SLC22A24: variants seen among roughly 807,000 people sequenced by gnomAD.
SLC22A24 encodes the protein steroid transmembrane transporter SLC22A24.
A neutral mutation model predicts 49.8 loss-of-function variants in SLC22A24; 53 were observed. The observed-to-expected ratio is 1.06, with a 90% CI of 0.85 to 1.34. The LOEUF is 1.34. SLC22A24 is among the 40% of genes most tolerant of loss of function. The probability of loss-of-function intolerance (pLI) is 0.00; values close to 1 mark genes in which losing one functional copy is unlikely to be tolerated. For synonymous variants in SLC22A24, 302 were observed against 256.4 expected (o/e 1.18, Z -1.70); for missense variants, 786 against 675.9 (o/e 1.16, Z -1.81).
chr11:63,126,382 G>A (rs1272327314), intron 2 of SLC22A24, among the ~76,000 whole-genome samples: 2 of 152,176 alleles, frequency 1.3e-5, no homozygotes, highest in African/African-American at 2.4e-5. Context: ...CATATGGCTA[G>A]CCTATTTTCC....
At chr11:63,131,751 C>T (rs7930804) in intron 2 of SLC22A24, among the ~76,000 whole-genome samples, 120,649 of 151,528 alleles carry the variant, frequency 0.8, 49,075 homozygotes, top group East Asian at 0.9. Flanking sequence ...CTGACAATTA[C>T]ATGTCTTGGG....
intron 2 of SLC22A24, among the ~76,000 whole-genome samples, chr11:63,128,542 A>T (rs897160877): frequency 1.3e-5 from 2 of 152,142 alleles, no homozygotes; most frequent in African/African-American, 4.8e-5. Flanking sequence ...TTCAGCGGTC[A>T]TGCTCCTGGT....
At chr11:63,099,854 AG>A (rs1199535015) in intron 5 of SLC22A24, among the ~76,000 whole-genome samples, 3 of 152,174 alleles carry the variant, frequency 2.0e-5, no homozygotes, top group Non-Finnish European at 4.4e-5. Flanking sequence ...ATGCTGAAAA[AG>A]CATTTGATAA....
In SLC22A24 at chr11:63,106,172, AC is replaced by A. The variant is rs2082077809; in HGVS notation, c.831-1875del. Among the ~76,000 whole-genome samples the A allele has an allele frequency of 2.0e-5, 3 of 148,298 alleles. No homozygotes were observed. In the South Asian group the frequency reaches 6.4e-4, roughly 31 times the overall value. On this transcript the variant is annotated intron_variant, in intron 4 of 9. Coordinates refer to ENST00000612278, the MANE Select transcript of SLC22A24 (RefSeq NM_001136506.2). ...GTTCAATTCCCACCTATGAGTGAGA[AC>A]ATGCGGTGTTTGGTTTTTTTGTCCT...
At chr11:63,098,137 G>A (rs1342738107) in intron 5 of SLC22A24, among the ~76,000 whole-genome samples, 2 of 152,060 alleles carry the variant, frequency 1.3e-5, no homozygotes, top group Non-Finnish European at 2.9e-5. Context: ...TCTTACCACA[G>A]TGGAATAAAA....
At chr11:63,080,371 A>G (rs1353298259) in intron 9 of SLC22A24, among the ~76,000 whole-genome samples, 2 of 152,178 alleles carry the variant, frequency 1.3e-5, no homozygotes, top group African/African-American at 4.8e-5. Flanking sequence ...ATGGCAACAA[A>G]TTTGCCTAAA....
intron 4 of SLC22A24, among the ~76,000 whole-genome samples, chr11:63,108,043 C>T (rs1468305745): frequency 6.6e-6 from 1 of 151,980 alleles, no homozygotes; most frequent in Admixed American, 6.6e-5. Context: ...CAGTTTTTGC[C>T]CATTCAGTAT....
intron 2 of SLC22A24, 46 bp downstream of exon 2, chr11:63,134,612 GAATGAAT>G: frequency 1.9e-6 from 2 of 1,026,038 alleles, no homozygotes; most frequent in African/African-American, 3.2e-5. Context: ...TAAAATAAAG[GAATGAAT>G]ATATCATCTG....
chr11:63,097,163 T>C (rs2212994), intron 5 of SLC22A24, among the ~76,000 whole-genome samples: 115,481 of 151,742 alleles, frequency 0.76, 44,696 homozygotes, highest in East Asian at 0.9. Flanking sequence ...ACTTTTGCAA[T>C]CTATCATCTA....
chr11:63,124,609 T>C (rs1455602748), intron 2 of SLC22A24, among the ~76,000 whole-genome samples: 1 of 152,196 alleles, frequency 6.6e-6, no homozygotes, highest in African/African-American at 2.4e-5. Flanking sequence ...TGAGCCATGG[T>C]TATTGAAATA....
At position 63,143,535 on chromosome 11, in the gene SLC22A24, T is replaced by A. The variant is rs776325367; in HGVS notation, c.245A>T (p.Asn82Ile). ...GCGCTGACACTTCTGTGGCCTCAGGTTTGAGTCCAGTGGGATGGAGATTCT... is the reference window on the plus strand; with the variant it reads ...GCGCTGACACTTCTGTGGCCTCAGGATTGAGTCCAGTGGGATGGAGATTCT... Reference protein sequence around the residue: ...LLRISIPLDSNLRPQKCQRFI... With the variant: ...LLRISIPLDSILRPQKCQRFI... The change falls in exon 1 of 10, where the codon AAC becomes ATC. Residue 82 changes from asparagine to isoleucine, a missense_variant. Transcript: ENST00000612278. 1 of 1,592,122 alleles carries A rather than the reference T, an allele frequency of 6.3e-7. No individual in the cohort carries two copies. The highest frequency in any genetic ancestry group is 1.1e-5 in the South Asian group (1 of 87,108).
In SLC22A24 at chr11:63,083,385, G is replaced by T. The variant is rs1274939869; in HGVS notation, c.1143C>A (p.Phe381Leu). 1.3e-6 allele frequency: 2 copies of T among 1,551,650 alleles called. No individual in the cohort carries two copies. The highest frequency in any genetic ancestry group is 2.0e-5 in the Admixed American group (1 of 50,980). Residue 381 changes from phenylalanine to leucine, a missense_variant, in exon 7 of 10, where the codon TTC becomes TTA. Coordinates refer to ENST00000612278, the MANE Select transcript of SLC22A24 (RefSeq NM_001136506.2). The stretch of plus-strand genomic sequence containing the variant: ...ATGTGACAGCTCCACAGAGAATCTG[G>T]AACAGGGAGACATTGCTCCCTAAGT... ...LQHLGSNVSLFQILCGAVTFT... is the reference protein window; with the variant it reads ...LQHLGSNVSLLQILCGAVTFT...
chr11:63,124,008 A>C (rs2087270850), intron 2 of SLC22A24, among the ~76,000 whole-genome samples: 1 of 152,156 alleles, frequency 6.6e-6, no homozygotes, highest in Non-Finnish European at 1.5e-5. Context: ...ACCAGATAGG[A>C]GTCAAGGAAG....
rs2087436852 is a variant in SLC22A24 at position 63,144,173 on chromosome 11, C to T, written c.-394G>A. ...ACCTAAAATACACCTGTTCAATAGT[C>T]TGCCATTCTTCTTAGAAATGGGATA... On this transcript the variant is annotated 5_prime_UTR_variant, in exon 1 of 10. Coordinates refer to ENST00000612278, the MANE Select transcript of SLC22A24 (RefSeq NM_001136506.2). The T allele has an allele frequency of 6.2e-6, 1 of 162,108 alleles. No homozygotes were observed. Among genetic ancestry groups the T allele is most frequent in the South Asian group, 2.0e-4 (1 of 4,924 alleles). The allele number at this position is 162,108 out of a possible 1,614,324, so 10.0% of individuals were successfully genotyped here.
intron 4 of SLC22A24, among the ~76,000 whole-genome samples, chr11:63,116,886 C>G (rs1372056979): frequency 6.6e-6 from 1 of 152,150 alleles, no homozygotes; most frequent in Non-Finnish European, 1.5e-5. Flanking sequence ...ATTTTCACTT[C>G]TGAACATTTC....
chr11:63,109,277 T>C (rs1401870403), intron 4 of SLC22A24, among the ~76,000 whole-genome samples: 1 of 146,682 alleles, frequency 6.8e-6, no homozygotes, highest in Non-Finnish European at 1.5e-5. Context: ...TCCAAGTCTT[T>C]GCTATCGTGA....
chr11:63,098,254 T>G (rs779798389), intron 5 of SLC22A24, among the ~76,000 whole-genome samples: 9 of 151,894 alleles, frequency 5.9e-5, no homozygotes, highest in Non-Finnish European at 1.0e-4. Flanking sequence ...AAGACAGAAA[T>G]TAAAACTATC....
At chr11:63,080,894 A>AC in intron 9 of SLC22A24, 26 bp downstream of exon 9, 1 of 1,539,020 alleles carries the variant, frequency 6.5e-7, no homozygotes, top group Non-Finnish European at 8.8e-7. Context: ...CTCCCCACTC[A>AC]AGTGACAGCT....
At position 63,083,451 on chromosome 11, in the gene SLC22A24, T is replaced by G; in HGVS notation, c.1077A>C (p.Ala359=). The G allele has an allele frequency of 1.3e-6, 2 of 1,550,764 alleles. No homozygotes were observed. The highest frequency in any genetic ancestry group is 1.7e-6 in the Non-Finnish European group (2 of 1,146,264). ...TCAGGCCATAAAAGGGTACAGTGATTGCGAATCTGAAGTGAATAAAAAGGA... is the reference window on the plus strand; with the variant it reads ...TCAGGCCATAAAAGGGTACAGTGATGGCGAATCTGAAGTGAATAAAAAGGA... ...RVFGLCFVRF[A]ITVPFYGLIL... is the part of the protein sequence containing the mutation. The change falls in exon 7 of 10, where the codon GCA becomes GCC. Residue 359 remains alanine, a synonymous_variant. Coordinates refer to ENST00000612278, the MANE Select transcript of SLC22A24 (RefSeq NM_001136506.2).
Sources: allele counts gnomAD v4.1 joint callset (sites outside exome capture counted in the v4.1 genomes callset), GRCh38; gene constraint gnomAD v4.1.1; transcripts MANE v1.5; gene names NCBI Gene and HGNC (gene_info 2026-07-23, HGNC 2026-07-21).